The following ADHFE1 variants were observed in gnomAD, a reference collection of about 807,000 sequenced individuals.
ADHFE1 encodes the protein hydroxyacid-oxoacid transhydrogenase, mitochondrial.
ADHFE1 carries 37 observed loss-of-function variants against 54.8 expected under a neutral mutation model. The ratio of observed to expected loss-of-function variants is 0.68; its 90% CI spans 0.52 to 0.89. The LOEUF (loss-of-function observed/expected upper bound fraction) is 0.89. ADHFE1 is among the 40% of genes least tolerant of loss of function. The pLI is 0.00. For synonymous variants in ADHFE1, 203 were observed against 229.3 expected (o/e 0.89, Z 1.04); for missense variants, 601 against 591.2 (o/e 1.02, Z -0.17).
intron 12 of ADHFE1, 61 bp from the exon 13 acceptor site, chr8:66,460,247 G>T: frequency 1.3e-6 from 2 of 1,596,622 alleles, no homozygotes; most frequent in South Asian, 1.1e-5. Flanking sequence ...TCTTGTGACT[G>T]AACTCCACCC....
chr8:66,439,727 A>T lies in ADHFE1; in HGVS notation c.60-435A>T. The T allele has an allele frequency of 1.0e-5, 10 of 993,920 alleles. No individual in the cohort carries two copies. The highest frequency in any genetic ancestry group is 1.2e-5 in the Non-Finnish European group (10 of 835,724). The allele number at this position is 993,920 out of a possible 1,614,324, so 61.6% of individuals were successfully genotyped here. A position where few individuals can be genotyped will look rare whatever the true frequency, so the allele number is the denominator to read the frequency against. On this transcript the variant is annotated intron_variant, in intron 1 of 13. Coordinates refer to ENST00000396623, the MANE Select transcript of ADHFE1 (RefSeq NM_144650.3). The surrounding 1 kb of genome is among the most constrained non-coding windows in gnomAD (Gnocchi z 4.4). ...TTAGACATCTTGAAGACACTGGGAAATATATAAGGCAAGTTCCCAGCATAG... is the reference window on the plus strand; with the variant it reads ...TTAGACATCTTGAAGACACTGGGAATTATATAAGGCAAGTTCCCAGCATAG...
chr8:66,453,618 A>C, intron 9 of ADHFE1: 1 of 1,102,066 alleles, frequency 9.1e-7, no homozygotes, highest in Non-Finnish European at 1.3e-6. Flanking sequence ...AGAGGCCCCC[A>C]GTGGGTCCAG....
chr8:66,446,837 A>C (rs1806060659), intron 6 of ADHFE1, among the ~76,000 whole-genome samples: 1 of 152,236 alleles, frequency 6.6e-6, no homozygotes, highest in Non-Finnish European at 1.5e-5. Context: ...ATATTAATAC[A>C]GACACAGACA....
At chr8:66,443,264 ATTTTTTTTTTTT>A (rs540464621) in intron 3 of ADHFE1, among the ~76,000 whole-genome samples, 12 of 86,102 alleles carry the variant, frequency 1.4e-4, no homozygotes, top group South Asian at 3.6e-4. Context: ...TAGTCCAGGA[ATTTTTTTTTTTT>A]TTTTTTTTTT....
At chr8:66,444,274 G>T in intron 3 of ADHFE1, 93 bp from the exon 4 acceptor site, 2 of 1,179,700 alleles carry the variant, frequency 1.7e-6, no homozygotes, top group Non-Finnish European at 2.5e-6. Context: ...TATACTTTAT[G>T]CTCTAGGCAA....
chr8:66,442,525 A>G (rs113213010), intron 2 of ADHFE1, among the ~76,000 whole-genome samples: 1 of 151,932 alleles, frequency 6.6e-6, no homozygotes, highest in East Asian at 1.9e-4. Context: ...GTTAGCCAGG[A>G]TGATCTCGAT....
intron 2 of ADHFE1, among the ~76,000 whole-genome samples, chr8:66,442,592 T>C (rs12549484): frequency 0.097 from 14,745 of 152,204 alleles, 813 homozygotes; most frequent in East Asian, 0.25. Flanking sequence ...ATTACAGGTG[T>C]GAGCCACTGT....
At chr8:66,451,566 G>A (rs992271302) in intron 8 of ADHFE1, among the ~76,000 whole-genome samples, 6 of 152,080 alleles carry the variant, frequency 3.9e-5, no homozygotes, top group Non-Finnish European at 5.9e-5. Context: ...TGGTAATATG[G>A]TATTTGATCA....
In ADHFE1 at chr8:66,468,565, C is replaced by A. The variant is rs1807313989; in HGVS notation, c.*213C>A. ...GACAAATGACCACTATGTTAGACCC[C>A]CAGGCTCGACTTCAGGGGTCAGTGT... On this transcript the variant is annotated 3_prime_UTR_variant, in exon 14 of 14. Coordinates refer to ENST00000396623, the MANE Select transcript of ADHFE1 (RefSeq NM_144650.3). 9.6e-6 allele frequency: 3 copies of A among 311,290 alleles called. No individual in the cohort carries two copies. Among genetic ancestry groups the A allele is most frequent in the Non-Finnish European group, 1.2e-5 (2 of 169,318 alleles). The allele number at this position is 311,290 out of a possible 1,614,324, so 19.3% of individuals were successfully genotyped here. A position where few individuals can be genotyped will look rare whatever the true frequency, so the allele number is the denominator to read the frequency against.
chr8:66,460,512 C>T, intron 13 of ADHFE1, 47 bp downstream of exon 13: 7 of 1,518,454 alleles, frequency 4.6e-6, no homozygotes, highest in Non-Finnish European at 6.2e-6. Context: ...AGCCTAGCGC[C>T]TCCAGAAAGA....
chr8:66,440,980 C>G (rs1324641362), intron 2 of ADHFE1, among the ~76,000 whole-genome samples: 1 of 152,074 alleles, frequency 6.6e-6, no homozygotes, highest in Non-Finnish European at 1.5e-5. Flanking sequence ...AGTGACTCAC[C>G]CTTCAGGACA....
chr8:66,436,903 T>G (rs1051908609), intron 1 of ADHFE1, among the ~76,000 whole-genome samples: 3 of 152,136 alleles, frequency 2.0e-5, no homozygotes, highest in African/African-American at 7.2e-5. Flanking sequence ...GGGAAGAACA[T>G]GTTTCCAGGA....
At chr8:66,451,697 CATATATAATCTTAT>C (rs907115270) in intron 8 of ADHFE1, among the ~76,000 whole-genome samples, 1 of 152,074 alleles carries the variant, frequency 6.6e-6, no homozygotes, top group Non-Finnish European at 1.5e-5. Flanking sequence ...AGAAAAGGTC[CATATATAATCTTAT>C]ACATACTACT....
intron 4 of ADHFE1, 32 bp downstream of exon 4, chr8:66,444,452 T>G (rs1485258867): frequency 4.3e-6 from 7 of 1,612,144 alleles, no homozygotes; most frequent in Non-Finnish European, 5.9e-6. Context: ...GGTCTCCTAC[T>G]GTAAATGTTA....
chr8:66,433,070 G>A (rs1462323004), intron 1 of ADHFE1, among the ~76,000 whole-genome samples: 1 of 152,190 alleles, frequency 6.6e-6, no homozygotes, highest in Non-Finnish European at 1.5e-5. Context: ...ATGGATGTGA[G>A]AAGTCGCAGA....
chr8:66,454,182 C>G, intron 10 of ADHFE1, 25 bp downstream of exon 10: 1 of 1,610,228 alleles, frequency 6.2e-7, no homozygotes, highest in Non-Finnish European at 8.5e-7. Context: ...GATTTCATTT[C>G]TTTACTCAAG....
In ADHFE1 at chr8:66,448,972, T is replaced by C; in HGVS notation, c.734+2T>C. On this transcript the variant is annotated splice_donor_variant, in intron 8 of 13. Transcript: ENST00000396623. LOFTEE classifies it high-confidence loss of function. ...CAACAGTGGCTTTGATGTGCTTTGG[T>C]AAGTGCTGGTGCCTCCTGGAGGGGC... 6.2e-7 allele frequency: 1 copy of C among 1,613,804 alleles called. No individual in the cohort carries two copies. The highest frequency in any genetic ancestry group is 8.5e-7 in the Non-Finnish European group (1 of 1,179,720).
In ADHFE1 at chr8:66,456,830, T is replaced by TA. The variant is rs1563493534; in HGVS notation, c.1001dup (p.Tyr334Ter). The change falls in exon 11 of 14, where the codon TAC (tyrosine) becomes TAAC (stop). Residue 334 changes from tyrosine to a stop codon, truncating the protein, a stop_gained and frameshift_variant. Coordinates refer to ENST00000396623, the MANE Select transcript of ADHFE1 (RefSeq NM_144650.3). LOFTEE classifies it high-confidence loss of function. ...TTTCTTTTCTAGCCATGGAATGTCT[T>TA]ACCCAATTTCAGGTTTAGTGAAGAT... Reference protein sequence around the residue: ...AGVHLCHGMSYPISGLVKMYK... With the variant: ...AGVHLCHGMS 6.2e-7 allele frequency: 1 copy of TA among 1,609,294 alleles called. No individual in the cohort carries two copies. Among genetic ancestry groups the TA allele is most frequent in the Middle Eastern group, 1.7e-4 (1 of 6,044 alleles).
chr8:66,459,430 A>ATATATATT (rs1191407388), intron 12 of ADHFE1: 4 of 126,808 alleles, frequency 3.2e-5, no homozygotes, highest in African/African-American at 8.9e-5. Flanking sequence ...ATATATATAT[A>ATATATATT]TTTTTTTTTT....
Sources: allele counts gnomAD v4.1 joint callset (sites outside exome capture counted in the v4.1 genomes callset), GRCh38; gene constraint gnomAD v4.1.1; non-coding constraint Gnocchi (gnomAD v3.1); transcripts MANE v1.5; gene names NCBI Gene and HGNC (gene_info 2026-07-23, HGNC 2026-07-21).